Variants in IL31RA observed in about 807,000 individuals in gnomAD.
IL31RA encodes interleukin-31 receptor subunit alpha.
In IL31RA, 66 loss-of-function variants were observed where a neutral mutation model predicts 83.7. The ratio of observed to expected loss-of-function variants is 0.79; its 90% CI spans 0.65 to 0.97. The LOEUF (loss-of-function observed/expected upper bound fraction) is 0.97. Ranked by LOEUF, IL31RA falls within the 50% of genes least tolerant of loss-of-function variation. The pLI, the probability that IL31RA is intolerant of heterozygous loss-of-function variation, is 0.00. For missense variants in IL31RA, 798 were observed against 919.4 expected, an observed-to-expected ratio of 0.87 and a Z score of 1.71; for synonymous variants, 325 against 329.0, an observed-to-expected ratio of 0.99 and a Z score of 0.13.
the IL31RA span, among the ~76,000 whole-genome samples, chr5:55,843,364 G>A: frequency 1.3e-5 from 2 of 152,136 alleles, no homozygotes; most frequent in South Asian, 2.1e-4. Context: ...ACTTTAGGAG[G>A]AAGTAGTGCA....
At chr5:55,893,725 G>A (rs771018360) in intron 6 of IL31RA, among the ~76,000 whole-genome samples, 37 of 151,912 alleles carry the variant, frequency 2.4e-4, no homozygotes, top group Non-Finnish European at 4.1e-4. Context: ...GCAGGAAATA[G>A]TGGCCTCAAT....
chr5:55,868,695 A>T (rs146740926), intron 2 of IL31RA, 96 bp from the exon 3 acceptor site: 19 of 829,478 alleles, frequency 2.3e-5, no homozygotes, highest in Middle Eastern at 5.3e-4. Context: ...CTAGCTTTTG[A>T]TCAGCATATT....
chr5:55,896,479 TTTCCCTCCC>T lies in IL31RA; in HGVS notation c.852+73_852+81del, dbSNP rs750983963. ...CTCTCTCTTTCTTCCCCTTCCCTCCTTTCCCTCCCTTCCCTCCCTTCCCTCCCTTCCATC... is the reference window on the plus strand; with the variant it reads ...CTCTCTCTTTCTTCCCCTTCCCTCCTTTCCCTCCCTTCCCTCCCTTCCATC... On this transcript the variant is annotated intron_variant, in intron 7 of 14. Coordinates refer to ENST00000652347, the MANE Select transcript of IL31RA (RefSeq NM_139017.7). 2,419 of 1,180,656 alleles carry T rather than the reference TTTCCCTCCC, an allele frequency of 2.0e-3. 6 individuals carry two copies. The highest frequency in any genetic ancestry group is 2.7e-3 in the Non-Finnish European group (2,122 of 796,538). 73.1% of individuals were successfully genotyped at this position (1,180,656 alleles called of 1,614,324 possible).
At chr5:55,867,139 G>GCA (rs1746129467) in intron 2 of IL31RA, among the ~76,000 whole-genome samples, 5 of 51,382 alleles carry the variant, frequency 9.7e-5, no homozygotes, top group African/African-American at 7.1e-5. Context: ...GTGTGTGCAT[G>GCA]TGTGTGTGCA....
intron 2 of IL31RA, 134 bp from the exon 3 acceptor site, chr5:55,868,657 G>C: frequency 2.7e-6 from 2 of 750,530 alleles, no homozygotes; most frequent in East Asian, 4.9e-5. Context: ...TGATTGCTAG[G>C]TTACACCTAG....
chr5:55,904,943 C>A (rs1483651200), intron 8 of IL31RA, among the ~76,000 whole-genome samples: 1 of 149,412 alleles, frequency 6.7e-6, no homozygotes, highest in African/African-American at 2.5e-5. Context: ...TGCCTGTAAT[C>A]CCAGCACTTT....
intron 2 of IL31RA, 39 bp from the exon 3 acceptor site, chr5:55,868,752 A>G (rs1305349956): frequency 2.7e-6 from 3 of 1,117,518 alleles, no homozygotes; most frequent in Non-Finnish European, 1.4e-6. Context: ...GTGTACTGAA[A>G]TTTTTGTGTT....
intron 2 of IL31RA, among the ~76,000 whole-genome samples, chr5:55,864,606 A>G (rs1745913462): frequency 6.6e-6 from 1 of 151,266 alleles, no homozygotes; most frequent in Non-Finnish European, 1.5e-5. Flanking sequence ...CCATAAACAT[A>G]CCATACACAC....
Position 55,872,310 on chromosome 5 carries a change from T to C in IL31RA, c.313T>C (p.Ser105Pro). ...EKHDNCTTNS[S>P]TSENRASCSF... ...ACATGATAATTGTACAACCAATAGT[T>C]CTACAAGTGAAAATCGTGCTTCGTG... The change falls in exon 4 of 15, where the codon TCT (serine) becomes CCT (proline). Residue 105 changes from serine to proline, a missense_variant. Physicochemically the swap from Ser to Pro is moderately conservative, Grantham distance 74 (BLOSUM62 -1). Transcript: ENST00000652347. 1 of 1,613,614 alleles carries C rather than the reference T, an allele frequency of 6.2e-7. No individual in the cohort carries two copies. The highest frequency in any genetic ancestry group is 1.1e-5 in the South Asian group (1 of 91,054).
Position 55,922,553 on chromosome 5 carries a change from G to A in IL31RA, c.*5433G>A, listed in dbSNP as rs539446807. 1 of 809,356 alleles carries A rather than the reference G, an allele frequency of 1.2e-6. No individual in the cohort carries two copies. Among genetic ancestry groups the A allele is most frequent in the East Asian group, 2.7e-5 (1 of 37,188 alleles). 50.1% of individuals were successfully genotyped at this position (809,356 alleles called of 1,614,324 possible). A position where few individuals can be genotyped will look rare whatever the true frequency, so the allele number is the denominator to read the frequency against. On this transcript the variant is annotated 3_prime_UTR_variant, in exon 15 of 15. Transcript: ENST00000652347. ...CAAGAGAACCATCTCTGAAGACTGG[G>A]TATGTGGTCTTTTCCACACATGGAC...
chr5:55,919,585 A>G lies in IL31RA; in HGVS notation c.*2465A>G, dbSNP rs940675340. Among the ~76,000 whole-genome samples, 1 of 151,466 alleles carries G rather than the reference A, an allele frequency of 6.6e-6. No individual in the cohort carries two copies. Among genetic ancestry groups the G allele is most frequent in the Admixed American group, 6.6e-5 (1 of 15,218 alleles). On this transcript the variant is annotated 3_prime_UTR_variant, in exon 15 of 15. Coordinates refer to ENST00000652347, the MANE Select transcript of IL31RA (RefSeq NM_139017.7). ...AGCTTCTCATCTTTTAACACTTGCTATTGTTTTCTTGTTTCTTTTCATTCC... is the reference window on the plus strand; with the variant it reads ...AGCTTCTCATCTTTTAACACTTGCTGTTGTTTTCTTGTTTCTTTTCATTCC...
rs780726026 is a variant in IL31RA at position 55,883,044 on chromosome 5, C to T, written c.455C>T (p.Ala152Val). Residue 152 changes from alanine (A) to valine (V), a missense_variant and splice_region_variant, in exon 5 of 15, where the codon GCG (alanine) becomes GTG (valine). Transcript: ENST00000652347. ...HMTYWRLENI[A>V]KTEPPKIFRV... is the part of the protein sequence containing the mutation. ...AGAGTTGTATGATTTTTATTTTCAG[C>T]GAAAACTGAACCACCTAAGATTTTC... The T allele has an allele frequency of 8.7e-6, 14 of 1,613,330 alleles. No individual in the cohort carries two copies. Among genetic ancestry groups the T allele is most frequent in the Middle Eastern group, 1.7e-4 (1 of 6,018 alleles).
chr5:55,918,652 C>T lies in IL31RA; in HGVS notation c.*1532C>T, dbSNP rs745517936. 4.6e-5 allele frequency among the ~76,000 whole-genome samples: 7 copies of T among 152,236 alleles called. No individual in the cohort carries two copies. The highest frequency in any genetic ancestry group is 3.9e-4 in the East Asian group (2 of 5,168). ...CCGGCCGTGTTTTTGTCTCTGGCCT[C>T]GTGTGTTTACTATGGTCCCTCCTGT... is the stretch of plus-strand genomic sequence containing the variant. On this transcript the variant is annotated 3_prime_UTR_variant, in exon 15 of 15. Coordinates refer to ENST00000652347, the MANE Select transcript of IL31RA (RefSeq NM_139017.7).
intron 8 of IL31RA, among the ~76,000 whole-genome samples, chr5:55,902,676 C>T (rs761648002): frequency 3.3e-5 from 5 of 152,014 alleles, no homozygotes; most frequent in Non-Finnish European, 7.4e-5. Flanking sequence ...CAGAATTTTG[C>T]TTACTAAAGT....
At chr5:55,888,535 A>G (rs957853408) in intron 5 of IL31RA, among the ~76,000 whole-genome samples, 77 of 152,214 alleles carry the variant, frequency 5.1e-4, no homozygotes, top group African/African-American at 1.9e-3. Flanking sequence ...AATATTATAT[A>G]TTTTTTAAAG....
At position 55,903,993 on chromosome 5, in the gene IL31RA, G is replaced by C. The variant is rs1014931015; in HGVS notation, c.1070-2113G>C. ...AGTGGCCCCAGGTATTCCTTGGCTT[G>C]TGGTAGCTCCAGTAACTCCCATAAA... On this transcript the variant is annotated intron_variant, in intron 8 of 14. Transcript: ENST00000652347. The surrounding 1 kb of genome is among the most constrained non-coding windows in gnomAD (Gnocchi z 4.7). 6.6e-6 allele frequency among the ~76,000 whole-genome samples: 1 copy of C among 152,196 alleles called. No homozygotes were observed. Among genetic ancestry groups the C allele is most frequent in the Non-Finnish European group, 1.5e-5 (1 of 68,042 alleles).
At chr5:55,875,720 A>G (rs892295093) in intron 4 of IL31RA, among the ~76,000 whole-genome samples, 2 of 152,182 alleles carry the variant, frequency 1.3e-5, no homozygotes, top group Non-Finnish European at 2.9e-5. Context: ...AAGCAAATTC[A>G]GTTACAAAGA....
At position 55,903,837 on chromosome 5, in the gene IL31RA, T is replaced by TG. The variant is rs1748970411; in HGVS notation, c.1070-2263dup. Among the ~76,000 whole-genome samples, 2 of 152,148 alleles carry TG rather than the reference T, an allele frequency of 1.3e-5. No homozygotes were observed. The highest frequency in any genetic ancestry group is 2.9e-5 in the Non-Finnish European group (2 of 68,006). On this transcript the variant is annotated intron_variant, in intron 8 of 14. Transcript: ENST00000652347. The surrounding 1 kb of genome is among the most constrained non-coding windows in gnomAD (Gnocchi z 4.7). Reference sequence around the variant, plus strand: ...GCTGCCAAAACGAAGCACTGCAGACTGGGGGGCTTCAAACAACAGAACTTT... The same window carrying TG: ...GCTGCCAAAACGAAGCACTGCAGACTGGGGGGGCTTCAAACAACAGAACTTT...
In IL31RA at chr5:55,912,002, T is replaced by C. The variant is rs760474052; in HGVS notation, c.1642+1330T>C. On this transcript the variant is annotated intron_variant, in intron 12 of 14. Transcript: ENST00000652347. ...AACATTGCCCTCTAGGAACTCTTTT[T>C]GATATGCTGTTTAAATTTTTTTAAA... 2.5e-4 allele frequency among the ~76,000 whole-genome samples: 38 copies of C among 152,248 alleles called. 1 individual carries two copies. The highest frequency in any genetic ancestry group is 2.1e-4 in the Non-Finnish European group (14 of 68,046).
Sources: allele counts gnomAD v4.1 joint callset (sites outside exome capture counted in the v4.1 genomes callset), GRCh38; gene constraint gnomAD v4.1.1; non-coding constraint Gnocchi (gnomAD v3.1); transcripts MANE v1.5; gene names NCBI Gene and HGNC (gene_info 2026-07-23, HGNC 2026-07-21).